Variants in ROBO1 observed in about 807,000 individuals in gnomAD.
ROBO1 encodes the protein roundabout guidance receptor 1, also known as roundabout homolog 1.
A neutral mutation model predicts 195.9 loss-of-function variants in ROBO1; 149 were observed. The ratio of observed to expected loss-of-function variants is 0.76; its 90% CI spans 0.67 to 0.87. The LOEUF (loss-of-function observed/expected upper bound fraction) is 0.87, where lower values mean the gene tolerates loss of function less well. Ranked by LOEUF, ROBO1 falls within the 40% of genes least tolerant of loss-of-function variation. ROBO1 has a pLI of 0.00. For missense variants in ROBO1, 1,933 were observed against 2,068.3 expected, an observed-to-expected ratio of 0.93 and a Z score of 1.27; for synonymous variants, 816 against 733.2, an observed-to-expected ratio of 1.11 and a Z score of -1.82.
chr3:79,504,853 C>T (rs1037152852), intron 2 of ROBO1, among the ~76,000 whole-genome samples: 2 of 151,884 alleles, frequency 1.3e-5, no homozygotes, highest in Admixed American at 6.6e-5. Flanking sequence ...GTGTGTGTAT[C>T]TTTCTATGTG....
chr3:79,647,303 A>C (rs1945847722), intron 1 of ROBO1, among the ~76,000 whole-genome samples: 1 of 152,134 alleles, frequency 6.6e-6, no homozygotes, highest in Non-Finnish European at 1.5e-5. Flanking sequence ...CATGCTACAA[A>C]AATTTCCCTC....
At chr3:79,668,325 T>G (rs1189221434) in intron 1 of ROBO1, among the ~76,000 whole-genome samples, 1 of 151,544 alleles carries the variant, frequency 6.6e-6, no homozygotes, top group Non-Finnish European at 1.5e-5. Context: ...AACACCATCC[T>G]TTTAAAACAT....
At chr3:79,196,231 G>A (rs2081631292) in intron 2 of ROBO1, among the ~76,000 whole-genome samples, 2 of 150,842 alleles carry the variant, frequency 1.3e-5, no homozygotes, top group Non-Finnish European at 1.5e-5. Flanking sequence ...AGAAAAGATG[G>A]CATCTATCAC....
At chr3:78,876,592 C>A (rs1381698111) in intron 4 of ROBO1, among the ~76,000 whole-genome samples, 1 of 152,068 alleles carries the variant, frequency 6.6e-6, no homozygotes, top group Non-Finnish European at 1.5e-5. Context: ...TAAAGTAAAA[C>A]CACATAAGAA....
chr3:78,894,375 C>A (rs1472827730), intron 4 of ROBO1, among the ~76,000 whole-genome samples: 1 of 152,106 alleles, frequency 6.6e-6, no homozygotes, highest in Non-Finnish European at 1.5e-5. Context: ...GTACTGAATA[C>A]TTTTCAAATA....
intron 2 of ROBO1, among the ~76,000 whole-genome samples, chr3:79,158,110 T>G (rs1216127674): frequency 1.3e-5 from 2 of 151,778 alleles, no homozygotes; most frequent in East Asian, 3.9e-4. Context: ...ACTTTAGGGC[T>G]TCATCTCAAC....
intron 2 of ROBO1, among the ~76,000 whole-genome samples, chr3:79,267,552 T>A (rs1468692399): frequency 1.3e-5 from 2 of 151,262 alleles, no homozygotes; most frequent in African/African-American, 2.4e-5. Context: ...TATCTCTTTT[T>A]TTTTTTTTGT....
chr3:79,409,616 C>A (rs2037685957), intron 2 of ROBO1, among the ~76,000 whole-genome samples: 1 of 152,088 alleles, frequency 6.6e-6, no homozygotes, highest in East Asian at 1.9e-4. Context: ...CAGCTTTTCT[C>A]ACTGAAACTC....
intron 2 of ROBO1, among the ~76,000 whole-genome samples, chr3:79,495,381 G>A (rs1939675968): frequency 6.6e-6 from 1 of 152,030 alleles, no homozygotes; most frequent in Admixed American, 6.6e-5. Flanking sequence ...TGGGGAATAT[G>A]TAATTCCTTC....
At chr3:79,144,529 TTCATATGTGCATAGGAAATTTTGATAGA>T (rs1296991236) in intron 2 of ROBO1, among the ~76,000 whole-genome samples, 1 of 151,992 alleles carries the variant, frequency 6.6e-6, no homozygotes, top group African/African-American at 2.4e-5. Context: ...CTTTTCTTTA[TTCATATGTGCATAGGAAATTTTGATAGA>T]TGGAATGGAG....
chr3:78,744,837 A>G (rs2082617680), intron 5 of ROBO1, among the ~76,000 whole-genome samples: 1 of 152,186 alleles, frequency 6.6e-6, no homozygotes, highest in South Asian at 2.1e-4. Context: ...ACTGTATGTT[A>G]CACTTATTTA....
intron 3 of ROBO1, among the ~76,000 whole-genome samples, chr3:79,030,842 C>A (rs2078282415): frequency 6.6e-6 from 1 of 152,144 alleles, no homozygotes; most frequent in Non-Finnish European, 1.5e-5. Context: ...CTGCCTCAGC[C>A]TCCCAAGTAG....
intron 3 of ROBO1, among the ~76,000 whole-genome samples, chr3:78,981,745 C>T (rs1393982702): frequency 6.6e-6 from 1 of 151,264 alleles, no homozygotes; most frequent in African/African-American, 2.4e-5. Context: ...AAGGACTTCC[C>T]AGCCTTCTCT....
At position 79,518,554 on chromosome 3, in the gene ROBO1, G is replaced by T. The variant is rs187045356; in HGVS notation, c.88+71270C>A. Among the ~76,000 whole-genome samples the T allele has an allele frequency of 2.6e-4, 39 of 152,274 alleles. 1 individual carries two copies. The highest frequency in any genetic ancestry group is 2.4e-3 in the Admixed American group (36 of 15,284). ...TCCGTGAAACAACAGTAAGTTAGAA[G>T]ACCTAGGAGGATTGCTTTTCAGAAT... On this transcript the variant is annotated intron_variant, in intron 2 of 30. Coordinates refer to ENST00000464233, the MANE Select transcript of ROBO1 (RefSeq NM_002941.4).
At chr3:79,483,548 CTA>C (rs1938980824) in intron 2 of ROBO1, among the ~76,000 whole-genome samples, 1 of 152,158 alleles carries the variant, frequency 6.6e-6, no homozygotes, top group Non-Finnish European at 1.5e-5. Context: ...AACCTAGATG[CTA>C]TAGCCTACTA....
intron 2 of ROBO1, among the ~76,000 whole-genome samples, chr3:79,496,559 A>T (rs1939757460): frequency 7.0e-6 from 1 of 142,122 alleles, no homozygotes; most frequent in South Asian, 2.3e-4. Context: ...AATTTTTTGT[A>T]TTTTTTTTTA....
At chr3:79,379,218 A>G (rs1408950403) in intron 2 of ROBO1, among the ~76,000 whole-genome samples, 1 of 152,212 alleles carries the variant, frequency 6.6e-6, no homozygotes, top group African/African-American at 2.4e-5. Flanking sequence ...TGACTGTGGT[A>G]GTTATTGCTC....
intron 4 of ROBO1, among the ~76,000 whole-genome samples, chr3:78,764,932 T>A (rs1416906141): frequency 6.6e-6 from 1 of 152,150 alleles, no homozygotes; most frequent in East Asian, 1.9e-4. Flanking sequence ...TAATGGTTTG[T>A]GTGATTTTTT....
chr3:78,982,046 A>G (rs1420768448), intron 3 of ROBO1, among the ~76,000 whole-genome samples: 2 of 152,102 alleles, frequency 1.3e-5, no homozygotes, highest in Non-Finnish European at 2.9e-5. Context: ...TACCTGGGAG[A>G]CATTATCTGC....
Sources: allele counts gnomAD v4.1 joint callset (sites outside exome capture counted in the v4.1 genomes callset), GRCh38; gene constraint gnomAD v4.1.1; transcripts MANE v1.5; gene names NCBI Gene and HGNC (gene_info 2026-07-23, HGNC 2026-07-21).